PPP2R3A: variants seen among roughly 807,000 people sequenced by gnomAD.
PPP2R3A encodes serine/threonine-protein phosphatase 2A regulatory subunit B'' subunit alpha.
Under a neutral mutation model 106.9 loss-of-function variants are expected in PPP2R3A, and 80 were observed. The observed-to-expected ratio is 0.75, with a 90% CI of 0.62 to 0.90. PPP2R3A has a LOEUF of 0.90. PPP2R3A is among the 40% of genes least tolerant of loss of function. The pLI is 0.00. For synonymous variants in PPP2R3A, 483 were observed against 468.3 expected (o/e 1.03, Z -0.41); for missense variants, 1,386 against 1,350.4 (o/e 1.03, Z -0.41).
intron 2 of PPP2R3A, among the ~76,000 whole-genome samples, chr3:136,007,884 G>A (rs910188526): frequency 1.3e-5 from 2 of 151,940 alleles, no homozygotes; most frequent in Non-Finnish European, 2.9e-5. Flanking sequence ...ATTTGTTTTT[G>A]GATGCCCGAG....
At chr3:136,032,497 C>CT (rs1184845843) in intron 3 of PPP2R3A, among the ~76,000 whole-genome samples, 84 of 141,926 alleles carry the variant, frequency 5.9e-4, no homozygotes, top group East Asian at 2.7e-3. Flanking sequence ...TTGACTTTCT[C>CT]TTTTTTTTTT....
chr3:136,105,990 T>G (rs1937506446), intron 12 of PPP2R3A, among the ~76,000 whole-genome samples: 1 of 151,628 alleles, frequency 6.6e-6, no homozygotes. Context: ...AAGAAAAAAA[T>G]GGAATCTATA....
chr3:136,052,728 A>G (rs1435565247), intron 5 of PPP2R3A, among the ~76,000 whole-genome samples: 1 of 152,228 alleles, frequency 6.6e-6, no homozygotes, highest in African/African-American at 2.4e-5. Flanking sequence ...GTTAACAGAC[A>G]TTTATACTTC....
At chr3:136,097,927 T>C (rs1937253632) in intron 10 of PPP2R3A, among the ~76,000 whole-genome samples, 1 of 152,216 alleles carries the variant, frequency 6.6e-6, no homozygotes. Flanking sequence ...AGGAATAGTT[T>C]GACAGTGGGG....
chr3:136,036,915 C>T (rs1164501428), intron 3 of PPP2R3A, among the ~76,000 whole-genome samples: 1 of 152,216 alleles, frequency 6.6e-6, no homozygotes, highest in Non-Finnish European at 1.5e-5. Context: ...CTTTACTATG[C>T]ATGCAAGTCT....
chr3:136,106,456 T>C (rs368285216), intron 13 of PPP2R3A, 134 bp downstream of exon 13: 2 of 702,630 alleles, frequency 2.8e-6, no homozygotes, highest in East Asian at 2.8e-5. Flanking sequence ...TAGCCAACTT[T>C]AGTTAAATGA....
chr3:136,045,382 T>G (rs537672474), intron 4 of PPP2R3A, among the ~76,000 whole-genome samples: 1 of 152,284 alleles, frequency 6.6e-6, no homozygotes, highest in African/African-American at 2.4e-5. Context: ...AAGCTGAGAC[T>G]TGTGGTTGGA....
intron 3 of PPP2R3A, among the ~76,000 whole-genome samples, chr3:136,027,872 A>G (rs1041579566): frequency 2.0e-5 from 3 of 152,186 alleles, no homozygotes; most frequent in African/African-American, 7.2e-5. Context: ...GGCTGCATGG[A>G]GGCAAGTAGG....
intron 1 of PPP2R3A, among the ~76,000 whole-genome samples, chr3:135,966,761 CAA>C (rs1201480191): frequency 6.6e-6 from 1 of 151,900 alleles, no homozygotes; most frequent in South Asian, 2.1e-4. Flanking sequence ...AACACGTAAG[CAA>C]AAAAAGAGTA....
intron 13 of PPP2R3A, among the ~76,000 whole-genome samples, chr3:136,113,588 C>T (rs775704755): frequency 4.7e-4 from 72 of 152,130 alleles, no homozygotes; most frequent in Middle Eastern, 3.4e-3. Context: ...GCTAGGAGTT[C>T]GAGACTAGCC....
chr3:136,023,589 TTG>T (rs1934541254), intron 2 of PPP2R3A, among the ~76,000 whole-genome samples: 1 of 152,288 alleles, frequency 6.6e-6, no homozygotes, highest in South Asian at 2.1e-4. Context: ...TGTTTGCACT[TTG>T]AATCAATAGA....
intron 2 of PPP2R3A, among the ~76,000 whole-genome samples, chr3:136,025,455 C>A (rs996639419): frequency 6.6e-6 from 1 of 151,952 alleles, no homozygotes; most frequent in African/African-American, 2.4e-5. Flanking sequence ...TGAGCAGACT[C>A]CATTCTGTGT....
At chr3:135,969,730 T>C (rs1576399919) in intron 1 of PPP2R3A, among the ~76,000 whole-genome samples, 2 of 152,334 alleles carry the variant, frequency 1.3e-5, no homozygotes, top group South Asian at 4.1e-4. Flanking sequence ...GTTTTGTTAT[T>C]GTTTAATTTT....
At chr3:136,073,894 G>T (rs540235957) in intron 6 of PPP2R3A, among the ~76,000 whole-genome samples, 2 of 152,232 alleles carry the variant, frequency 1.3e-5, no homozygotes, top group African/African-American at 4.8e-5. Context: ...AATTAATTTT[G>T]TTGTTAGACA....
intron 2 of PPP2R3A, among the ~76,000 whole-genome samples, chr3:136,004,044 T>G (rs544514612): frequency 2.2e-4 from 34 of 152,290 alleles, no homozygotes; most frequent in Admixed American, 2.2e-3. Context: ...CATGAGCATG[T>G]GAACACCATT....
At chr3:136,050,230 G>C (rs1204301449) in intron 5 of PPP2R3A, among the ~76,000 whole-genome samples, 1 of 152,118 alleles carries the variant, frequency 6.6e-6, no homozygotes. Context: ...TTCCTTTTCT[G>C]TGTATGAAAT....
intron 5 of PPP2R3A, among the ~76,000 whole-genome samples, chr3:136,065,033 A>C (rs1176730718): frequency 2.0e-5 from 3 of 152,196 alleles, no homozygotes; most frequent in Admixed American, 6.5e-5. Flanking sequence ...AAGAGAGAAT[A>C]AGGATGGGTT....
chr3:136,045,228 C>G (rs576594430), intron 4 of PPP2R3A, among the ~76,000 whole-genome samples: 1 of 152,300 alleles, frequency 6.6e-6, no homozygotes, highest in African/African-American at 2.4e-5. Context: ...TTGCCAGTGG[C>G]CCCCAGTGGA....
chr3:136,116,878 C>A (rs1469087055), intron 13 of PPP2R3A, among the ~76,000 whole-genome samples: 1 of 152,202 alleles, frequency 6.6e-6, no homozygotes, highest in Non-Finnish European at 1.5e-5. Context: ...CAGCTCTGGA[C>A]CAAGTGGACC....
Sources: gnomAD v4.1 joint callset for allele counts (sites outside exome capture counted in the v4.1 genomes callset) on GRCh38, gnomAD v4.1.1 for gene constraint, MANE v1.5 for transcripts, NCBI Gene and HGNC (gene_info 2026-07-23, HGNC 2026-07-21) for gene names.